Variants in SPRY3 observed in about 807,000 individuals in gnomAD.
The protein encoded by SPRY3 is protein sprouty homolog 3.
SPRY3 carries 15 observed loss-of-function variants against 20.2 expected under a neutral mutation model. That is an observed-to-expected ratio of 0.74 (90% CI 0.50 to 1.14). The LOEUF (loss-of-function observed/expected upper bound fraction) is 1.14, where lower values mean the gene tolerates loss of function less well. Among genes scored for constraint, SPRY3 ranks in the 50% most tolerant of loss-of-function variants. The pLI is 0.00. For missense variants in SPRY3, 364 were observed against 363.9 expected (o/e 1.00, Z 0.00); for synonymous variants, 143 against 136.5 (o/e 1.05, Z -0.33).
At chrX:155,673,121 A>G (rs1228858369) in intron 2 of SPRY3, among the ~76,000 whole-genome samples, 117 of 96,193 alleles carry the variant, frequency 1.2e-3, no homozygotes, top group Middle Eastern at 5.1e-3. Flanking sequence ...GCTAAATGAC[A>G]AGTTAATGGG....
At chrX:155,749,818 T>G (rs758307240) in intron 2 of SPRY3, among the ~76,000 whole-genome samples, 1 of 151,956 alleles carries the variant, frequency 6.6e-6, no homozygotes, top group South Asian at 2.1e-4. Flanking sequence ...GAGCTGAAGT[T>G]TTGGACATGT....
At chrX:155,745,232 T>C (rs993771774) in intron 2 of SPRY3, among the ~76,000 whole-genome samples, 2 of 152,134 alleles carry the variant, frequency 1.3e-5, no homozygotes, top group Non-Finnish European at 2.9e-5. Flanking sequence ...CTAGTTGGTG[T>C]TCCATAGATG....
At chrX:155,765,779 T>G (rs2091324287) in intron 2 of SPRY3, among the ~76,000 whole-genome samples, 1 of 152,168 alleles carries the variant, frequency 6.6e-6, no homozygotes, top group Non-Finnish European at 1.5e-5. Flanking sequence ...ATAAAAGGGC[T>G]TCAAATTGAA....
intron 2 of SPRY3, among the ~76,000 whole-genome samples, chrX:155,712,162 C>A (rs915535991): frequency 6.6e-6 from 1 of 151,694 alleles, no homozygotes; most frequent in Non-Finnish European, 1.5e-5. Flanking sequence ...AAATGTGCAT[C>A]CTGCAGTTGT....
At chrX:155,767,806 G>C (rs1339481600) in intron 2 of SPRY3, 156 bp from the exon 2 acceptor site, 2 of 149,278 alleles carry the variant, frequency 1.3e-5, no homozygotes, top group African/African-American at 4.9e-5. Context: ...ACCCTGCTGA[G>C]CTTTCTTTGG....
intron 2 of SPRY3, among the ~76,000 whole-genome samples, chrX:155,706,125 C>A (rs943346302): frequency 1.3e-5 from 2 of 151,196 alleles, no homozygotes; most frequent in African/African-American, 4.8e-5. Flanking sequence ...ATAAGACAAA[C>A]CTCAGCAAAT....
intron 2 of SPRY3, among the ~76,000 whole-genome samples, chrX:155,691,084 C>G (rs2068100945): frequency 1.2e-5 from 1 of 86,229 alleles, no homozygotes; most frequent in African/African-American, 5.6e-5. Context: ...AATATTTTTC[C>G]TATGTTTTCT....
chrX:155,769,785 A>G (rs2091370010), intron 3 of SPRY3, among the ~76,000 whole-genome samples: 1 of 152,202 alleles, frequency 6.6e-6, no homozygotes, highest in Admixed American at 6.5e-5. Flanking sequence ...TGACAAGTTA[A>G]GAGTTAAATG....
chrX:155,660,384 G>A (rs2068006043), intron 2 of SPRY3, among the ~76,000 whole-genome samples: 1 of 111,932 alleles, frequency 8.9e-6, no homozygotes, highest in Non-Finnish European at 1.9e-5. Flanking sequence ...GGTCTGAGAA[G>A]ATATTTAACA....
At chrX:155,629,866 T>C (rs1051218925) in intron 1 of SPRY3, among the ~76,000 whole-genome samples, 1 of 112,475 alleles carries the variant, frequency 8.9e-6, no homozygotes, top group East Asian at 2.8e-4. Context: ...CTCTCCACTC[T>C]GTTTATTTCC....
chrX:155,780,138 C>G (rs754992761), downstream of SPRY3: 4 of 166,998 alleles, frequency 2.4e-5, no homozygotes, highest in Non-Finnish European at 5.9e-5. Context: ...GTTGGCCAAT[C>G]TCCTGAAAAA....
chrX:155,727,319 C>T (rs2091105121), intron 2 of SPRY3, among the ~76,000 whole-genome samples: 1 of 152,022 alleles, frequency 6.6e-6, no homozygotes, highest in African/African-American at 2.4e-5. Context: ...TTGTGGTGTT[C>T]TCTGTATTTC....
Position 155,651,228 on chromosome X carries a change from C to T in SPRY3, c.-440-5639C>T, listed in dbSNP as rs111793327. Among the ~76,000 whole-genome samples, 767 of 110,283 alleles carry T rather than the reference C, an allele frequency of 7.0e-3. 6 individuals carry two copies. The highest frequency in any genetic ancestry group is 0.024 in the African/African-American group (729 of 30,276). On this transcript the variant is annotated intron_variant, in intron 1 of 3. Transcript: ENST00000675360. ...GATTACAGGCATACACTACCACACC[C>T]GGCTAATTTTTGTATTTTTAGTAGA...
At chrX:155,667,325 G>A (rs1441091305) in intron 2 of SPRY3, among the ~76,000 whole-genome samples, 2 of 110,959 alleles carry the variant, frequency 1.8e-5, no homozygotes, top group Non-Finnish European at 3.8e-5. Flanking sequence ...CTGATGTGAA[G>A]GAGCCATTTC....
intron 2 of SPRY3, among the ~76,000 whole-genome samples, chrX:155,756,527 G>A (rs2091284016): frequency 6.6e-6 from 1 of 152,062 alleles, no homozygotes; most frequent in Non-Finnish European, 1.5e-5. Flanking sequence ...GTGTCATAGA[G>A]GTAAGTTCTC....
At chrX:155,698,213 G>T (rs751848997) in intron 2 of SPRY3, among the ~76,000 whole-genome samples, 19 of 111,435 alleles carry the variant, frequency 1.7e-4, no homozygotes, top group Admixed American at 4.8e-4. Context: ...AAAAATTGTT[G>T]GAAATTCCTC....
chrX:155,718,316 TTG>T (rs2091035264), intron 2 of SPRY3, among the ~76,000 whole-genome samples: 1 of 152,108 alleles, frequency 6.6e-6, no homozygotes, highest in African/African-American at 2.4e-5. Context: ...CAAAAAAAGA[TTG>T]TGTTCAGAAA....
intron 2 of SPRY3, among the ~76,000 whole-genome samples, chrX:155,732,285 G>A (rs1324675912): frequency 1.3e-5 from 2 of 152,026 alleles, no homozygotes; most frequent in African/African-American, 4.8e-5. Context: ...AATTAAATGA[G>A]TGCTGGTAGT....
intron 2 of SPRY3, among the ~76,000 whole-genome samples, chrX:155,767,072 C>T (rs1176056511): frequency 1.3e-5 from 2 of 152,070 alleles, no homozygotes; most frequent in African/African-American, 2.4e-5. Flanking sequence ...CACCCCACCC[C>T]CACGTTCCTT....
Sources: allele counts gnomAD v4.1 joint callset (sites outside exome capture counted in the v4.1 genomes callset), GRCh38; gene constraint gnomAD v4.1.1; transcripts MANE v1.5; gene names NCBI Gene and HGNC (gene_info 2026-07-23, HGNC 2026-07-21).